Variants in KALRN observed in about 807,000 individuals in gnomAD.
KALRN encodes the protein kalirin.
In KALRN, 70 loss-of-function variants were observed where a neutral mutation model predicts 353.7. That is an observed-to-expected ratio of 0.20 (90% CI 0.16 to 0.24). The LOEUF (loss-of-function observed/expected upper bound fraction) is 0.24, where lower values mean the gene tolerates loss of function less well. KALRN is among the 10% of genes least tolerant of loss of function. The pLI, the probability that KALRN is intolerant of heterozygous loss-of-function variation, is 1.00. For missense variants in KALRN, 2,791 were observed against 3,756.7 expected (o/e 0.74, Z 6.72); for synonymous variants, 1,391 against 1,434.8 (o/e 0.97, Z 0.69).
At chr3:124,388,633 A>G (rs1342693852) in intron 11 of KALRN, among the ~76,000 whole-genome samples, 26 of 152,196 alleles carry the variant, frequency 1.7e-4, no homozygotes, top group Admixed American at 1.7e-3. Flanking sequence ...CTTCAATCAC[A>G]TTTTAATCTA....
At chr3:124,489,865 G>A (rs1329738058) in intron 29 of KALRN, among the ~76,000 whole-genome samples, 1 of 152,234 alleles carries the variant, frequency 6.6e-6, no homozygotes, top group Non-Finnish European at 1.5e-5. Flanking sequence ...TGATCCTTAT[G>A]CACAGTAAAG....
intron 1 of KALRN, among the ~76,000 whole-genome samples, chr3:124,173,985 A>C (rs1438959538): frequency 6.6e-6 from 1 of 152,192 alleles, no homozygotes; most frequent in Non-Finnish European, 1.5e-5. Flanking sequence ...ATCAGGATAG[A>C]CTGGGATGAG....
chr3:124,140,036 T>C (rs1162590574), intron 1 of KALRN, among the ~76,000 whole-genome samples: 1 of 152,194 alleles, frequency 6.6e-6, no homozygotes, highest in African/African-American at 2.4e-5. Context: ...AGCAGAGTTA[T>C]CTCTCTTGTG....
At chr3:124,034,234 C>T (rs1001680730) in intron 1 of KALRN, among the ~76,000 whole-genome samples, 40 of 152,328 alleles carry the variant, frequency 2.6e-4, no homozygotes, top group African/African-American at 7.0e-4. Flanking sequence ...GGTCGGCACC[C>T]CTCCTCGCCG....
chr3:124,223,065 T>C (rs911715516), intron 1 of KALRN, among the ~76,000 whole-genome samples: 1 of 151,626 alleles, frequency 6.6e-6, no homozygotes, highest in African/African-American at 2.4e-5. Context: ...TTTTTTTTTT[T>C]AGTCTCCTTG....
chr3:124,431,658 C>G (rs1448299359), intron 16 of KALRN, among the ~76,000 whole-genome samples: 1 of 152,138 alleles, frequency 6.6e-6, no homozygotes, highest in African/African-American at 2.4e-5. Flanking sequence ...CAACCCACTT[C>G]TGAGCGTGTA....
At chr3:124,126,841 C>G (rs1275411372) in intron 1 of KALRN, among the ~76,000 whole-genome samples, 1 of 152,232 alleles carries the variant, frequency 6.6e-6, no homozygotes, top group African/African-American at 2.4e-5. Context: ...TAGCCCACTT[C>G]TGTAGCTTGT....
At chr3:124,388,853 C>T (rs1460580220) in intron 11 of KALRN, among the ~76,000 whole-genome samples, 3 of 152,154 alleles carry the variant, frequency 2.0e-5, no homozygotes, top group Non-Finnish European at 4.4e-5. Flanking sequence ...CCTCTCAAGA[C>T]TCATCACCTC....
chr3:124,297,290 G>A (rs951786889), intron 5 of KALRN, among the ~76,000 whole-genome samples: 1 of 152,340 alleles, frequency 6.6e-6, no homozygotes, highest in South Asian at 2.1e-4. Flanking sequence ...TCTGTTCTCA[G>A]CTGTTTCCTG....
chr3:124,195,196 T>A (rs550862194), intron 1 of KALRN, among the ~76,000 whole-genome samples: 1 of 152,178 alleles, frequency 6.6e-6, no homozygotes, highest in Admixed American at 6.5e-5. Flanking sequence ...CCCTCATTAA[T>A]GAACTTCTCT....
intron 1 of KALRN, among the ~76,000 whole-genome samples, chr3:124,102,164 A>G (rs2061920952): frequency 6.6e-6 from 1 of 152,162 alleles, no homozygotes; most frequent in Non-Finnish European, 1.5e-5. Flanking sequence ...TCATCTATGT[A>G]TATATACCTA....
At chr3:124,677,120 G>T (rs1157872760) in intron 49 of KALRN, among the ~76,000 whole-genome samples, 1 of 152,136 alleles carries the variant, frequency 6.6e-6, no homozygotes, top group Non-Finnish European at 1.5e-5. Context: ...AATCTCCTCT[G>T]CCTCTCTCCC....
intron 3 of KALRN, among the ~76,000 whole-genome samples, chr3:124,245,043 ATTG>A (rs36110005): frequency 0.6 from 91,334 of 151,626 alleles, 27,895 homozygotes; most frequent in African/African-American, 0.64. Flanking sequence ...ATTATAAATT[ATTG>A]TTAACTAGAG....
intron 13 of KALRN, 84 bp downstream of exon 13, chr3:124,398,955 GC>G (rs2090511934): frequency 2.8e-6 from 4 of 1,411,766 alleles, no homozygotes; most frequent in Non-Finnish European, 3.8e-6. Context: ...CAGGGCAGTA[GC>G]CTAAGGAAAT....
intron 33 of KALRN, among the ~76,000 whole-genome samples, chr3:124,561,545 C>T (rs1199550270): frequency 6.6e-6 from 1 of 152,226 alleles, no homozygotes; most frequent in Admixed American, 6.5e-5. Context: ...TATCTACTCA[C>T]TGTGGCGTTC....
At chr3:124,491,501 G>A in intron 31 of KALRN, 77 bp downstream of exon 31, 2 of 1,063,678 alleles carry the variant, frequency 1.9e-6, no homozygotes, top group Non-Finnish European at 2.7e-6. Context: ...ACACCTCAAA[G>A]CTAAGGCCCA....
chr3:124,237,963 T>C (rs1224177054), intron 3 of KALRN, among the ~76,000 whole-genome samples: 1 of 152,142 alleles, frequency 6.6e-6, no homozygotes, highest in Non-Finnish European at 1.5e-5. Context: ...TTAATGGCCA[T>C]TTGGGGGACC....
At chr3:124,364,418 T>G (rs1479119351) in intron 10 of KALRN, among the ~76,000 whole-genome samples, 1 of 152,158 alleles carries the variant, frequency 6.6e-6, no homozygotes, top group East Asian at 1.9e-4. Context: ...CTGAAGAGCT[T>G]TATGTGGGGA....
intron 12 of KALRN, among the ~76,000 whole-genome samples, chr3:124,395,965 G>T (rs1480963869): frequency 6.6e-6 from 1 of 152,144 alleles, no homozygotes; most frequent in Non-Finnish European, 1.5e-5. Context: ...AATTACCCAG[G>T]CCATTGCCTC....
Sources: gnomAD v4.1 joint callset for allele counts (sites outside exome capture counted in the v4.1 genomes callset) on GRCh38, gnomAD v4.1.1 for gene constraint, MANE v1.5 for transcripts, NCBI Gene and HGNC (gene_info 2026-07-23, HGNC 2026-07-21) for gene names.